TRAPPC12: variants seen among roughly 807,000 people sequenced by gnomAD.
The protein encoded by TRAPPC12 is trafficking protein particle complex subunit 12, also known as TPR repeat protein 15.
TRAPPC12 carries 61 observed loss-of-function variants against 69.2 expected under a neutral mutation model. The ratio of observed to expected loss-of-function variants is 0.88; its 90% CI spans 0.72 to 1.09. TRAPPC12 has a LOEUF of 1.09. TRAPPC12 is among the 50% of genes least tolerant of loss of function. The pLI, the probability that TRAPPC12 is intolerant of heterozygous loss-of-function variation, is 0.00. For missense variants in TRAPPC12, 1,101 were observed against 1,016.4 expected, an observed-to-expected ratio of 1.08 and a Z score of -1.13; for synonymous variants, 469 against 438.9, an observed-to-expected ratio of 1.07 and a Z score of -0.86.
Position 3,388,130 on chromosome 2 carries a change from A to T in TRAPPC12, c.507A>T (p.Pro169=). Residue 169 remains proline, a synonymous_variant, in exon 2 of 12, where the codon CCA becomes CCT. Transcript: ENST00000324266. Reference sequence around the variant, plus strand: ...CCATCTTCAGCCAGCGCGCGCCCCCAGCCTCCGGGGACGGCTTCGAGCCGC... The same window carrying T: ...CCATCTTCAGCCAGCGCGCGCCCCCTGCCTCCGGGGACGGCTTCGAGCCGC... ...VCTIFSQRAP[P]ASGDGFEPQM... is the part of the protein sequence containing the mutation. The T allele has an allele frequency of 6.3e-7, 1 of 1,591,902 alleles. No individual in the cohort carries two copies. The highest frequency in any genetic ancestry group is 1.4e-5 in the African/African-American group (1 of 73,968).
At chr2:3,424,350 G>A (rs1023246376) in intron 4 of TRAPPC12, among the ~76,000 whole-genome samples, 175 bp from the exon 5 acceptor site, 2 of 152,178 alleles carry the variant, frequency 1.3e-5, no homozygotes, top group South Asian at 2.1e-4. Flanking sequence ...ATCATGCCCA[G>A]CTTCAAGAGT....
At chr2:3,389,254 G>T (rs1369275559) in intron 2 of TRAPPC12, among the ~76,000 whole-genome samples, 1 of 152,182 alleles carries the variant, frequency 6.6e-6, no homozygotes, top group African/African-American at 2.4e-5. Flanking sequence ...GGCCTCTCTC[G>T]GCCCAGGTTC....
chr2:3,433,264 A>G (rs1008615203), intron 5 of TRAPPC12, among the ~76,000 whole-genome samples: 40 of 152,208 alleles, frequency 2.6e-4, no homozygotes, highest in African/African-American at 9.6e-4. Context: ...ATAAATACAA[A>G]GCAGTCTTCC....
intron 5 of TRAPPC12, among the ~76,000 whole-genome samples, chr2:3,439,331 T>A (rs1664065424): frequency 6.6e-6 from 1 of 152,216 alleles, no homozygotes; most frequent in African/African-American, 2.4e-5. Context: ...TCTCACTTTG[T>A]CACCCAGGCT....
chr2:3,475,970 C>T (rs1666276841), intron 9 of TRAPPC12, among the ~76,000 whole-genome samples: 1 of 152,224 alleles, frequency 6.6e-6, no homozygotes, highest in South Asian at 2.1e-4. Context: ...TCACACGGTC[C>T]TGTTAGACAG....
chr2:3,462,453 A>G (rs970701140), intron 8 of TRAPPC12, among the ~76,000 whole-genome samples: 2 of 150,570 alleles, frequency 1.3e-5, no homozygotes, highest in African/African-American at 2.4e-5. Flanking sequence ...AGGGTATTGC[A>G]ACAGTGTGTG....
intron 3 of TRAPPC12, among the ~76,000 whole-genome samples, chr2:3,402,846 G>C (rs957140302): frequency 6.6e-6 from 1 of 152,152 alleles, no homozygotes; most frequent in African/African-American, 2.4e-5. Context: ...GTCTCCTTAG[G>C]GGGCTGTGGA....
Position 3,387,941 on chromosome 2 carries a change from C to T in TRAPPC12, c.318C>T (p.Gly106=). The change falls in exon 2 of 12, where the codon GGC becomes GGT. Residue 106 remains glycine, a synonymous_variant. Transcript: ENST00000324266. ...GCGACCCAGGCCCGGAGCCCGCGGG[C>T]ACCCCGAGTCCCAGCGGCGAGGCCG... ...GEGDPGPEPA[G]TPSPSGEADG... 6.7e-7 allele frequency: 1 copy of T among 1,494,126 alleles called. No homozygotes were observed. Among genetic ancestry groups the T allele is most frequent in the Non-Finnish European group, 8.9e-7 (1 of 1,124,976 alleles). 92.6% of individuals were successfully genotyped at this position (1,494,126 alleles called of 1,614,324 possible).
rs764713621 is a variant in TRAPPC12 at position 3,479,360 on chromosome 2, C to T, written c.2107C>T (p.Leu703=). ...VLFNLTTMYE[L]ESSRSMQKKQ... is the part of the protein sequence containing the mutation. ...CTTCAACCTGACCACCATGTACGAGCTGGAGTCCTCACGGAGCATGCAGAA... is the reference window on the plus strand; with the variant it reads ...CTTCAACCTGACCACCATGTACGAGTTGGAGTCCTCACGGAGCATGCAGAA... The change falls in exon 12 of 12, where the codon CTG becomes TTG. Residue 703 remains leucine (L), a synonymous_variant. Coordinates refer to ENST00000324266, the MANE Select transcript of TRAPPC12 (RefSeq NM_016030.6). 6.2e-7 allele frequency: 1 copy of T among 1,614,216 alleles called. No homozygotes were observed. The highest frequency in any genetic ancestry group is 1.1e-5 in the South Asian group (1 of 91,088).
chr2:3,410,784 C>T (rs1248361649), intron 3 of TRAPPC12, among the ~76,000 whole-genome samples: 1 of 152,210 alleles, frequency 6.6e-6, no homozygotes, highest in African/African-American at 2.4e-5. Context: ...GTAATCCCAG[C>T]ACTTTGGGAG....
chr2:3,404,888 G>C (rs994737117), intron 3 of TRAPPC12, among the ~76,000 whole-genome samples: 1 of 150,816 alleles, frequency 6.6e-6, no homozygotes, highest in Non-Finnish European at 1.5e-5. Context: ...GCGGTTACGG[G>C]GGAGGGGGCG....
rs1224814219 is a variant in TRAPPC12, at chr2:3,387,629, G to A, written c.6G>A (p.Glu2=). Residue 2 remains glutamate (E), a synonymous_variant, in exon 2 of 12, where the codon GAG becomes GAA. Transcript: ENST00000324266. ...CTGTCTTTGCTTTCAGGGTCATGGA[G>A]GACGCTGGCGGCGGCGAGGAGACCC... The part of the protein sequence containing the change: M[E]DAGGGEETPA... 1.9e-6 allele frequency: 3 copies of A among 1,540,578 alleles called. No individual in the cohort carries two copies. The African/African-American group carries it at 4.1e-5, about 21-fold the overall frequency.
At chr2:3,453,319 T>G (rs191380408) in intron 6 of TRAPPC12, among the ~76,000 whole-genome samples, 70 of 152,124 alleles carry the variant, frequency 4.6e-4, no homozygotes, top group African/African-American at 1.7e-3. Context: ...TGACCCAGCT[T>G]CAACCCGTCG....
At chr2:3,390,212 C>G (rs1449968306) in intron 2 of TRAPPC12, among the ~76,000 whole-genome samples, 1 of 152,220 alleles carries the variant, frequency 6.6e-6, no homozygotes, top group Non-Finnish European at 1.5e-5. Flanking sequence ...GCTGCCATCA[C>G]ACTCGAGTCA....
intron 2 of TRAPPC12, 59 bp downstream of exon 2, chr2:3,388,729 G>C (rs1187891993): frequency 4.9e-6 from 7 of 1,429,154 alleles, no homozygotes; most frequent in Non-Finnish European, 6.5e-6. Context: ...TGTGAGATAC[G>C]CACAGTGCCC....
At chr2:3,402,395 G>A (rs769270960) in intron 3 of TRAPPC12, among the ~76,000 whole-genome samples, 4 of 152,144 alleles carry the variant, frequency 2.6e-5, no homozygotes, top group African/African-American at 7.2e-5. Context: ...TTCAAGACCA[G>A]CCTGGCCAAC....
At chr2:3,449,045 C>T (rs1031422849) in intron 6 of TRAPPC12, among the ~76,000 whole-genome samples, 3 of 152,138 alleles carry the variant, frequency 2.0e-5, no homozygotes, top group Non-Finnish European at 4.4e-5. Context: ...GTCTTTGAGC[C>T]ACTGAGTGAA....
intron 3 of TRAPPC12, among the ~76,000 whole-genome samples, chr2:3,404,301 G>A (rs1208926419): frequency 6.6e-6 from 1 of 152,130 alleles, no homozygotes; most frequent in African/African-American, 2.4e-5. Context: ...ACTTTCTAGT[G>A]TTCTATTGTC....
At chr2:3,450,270 A>G (rs1349011977) in intron 6 of TRAPPC12, among the ~76,000 whole-genome samples, 1 of 152,368 alleles carries the variant, frequency 6.6e-6, no homozygotes, top group East Asian at 1.9e-4. Context: ...TTGATGTAAG[A>G]TGATTCTTAA....
Sources: allele counts gnomAD v4.1 joint callset (sites outside exome capture counted in the v4.1 genomes callset), GRCh38; gene constraint gnomAD v4.1.1; transcripts MANE v1.5; gene names NCBI Gene and HGNC (gene_info 2026-07-23, HGNC 2026-07-21).